RCOR1: variants seen among roughly 807,000 people sequenced by gnomAD.
RCOR1 encodes REST corepressor.
RCOR1 carries 12 observed loss-of-function variants against 64.0 expected under a neutral mutation model. That is an observed-to-expected ratio of 0.19 (90% CI 0.12 to 0.30). The LOEUF (loss-of-function observed/expected upper bound fraction) is 0.30. RCOR1 is among the 10% of genes least tolerant of loss of function. The pLI is 1.00. For missense variants in RCOR1, 502 were observed against 621.2 expected (o/e 0.81, Z 2.04); for synonymous variants, 279 against 227.2 (o/e 1.23, Z -2.05).
intron 2 of RCOR1, among the ~76,000 whole-genome samples, chr14:102,611,657 A>G (rs1893638323): frequency 6.6e-6 from 1 of 152,184 alleles, no homozygotes; most frequent in Non-Finnish European, 1.5e-5. Flanking sequence ...GTTAGGTGAG[A>G]TCAAAACCAT....
rs971598566 is a variant in RCOR1, at chr14:102,726,807, C to T, written c.*301C>T. 1.8e-5 allele frequency: 7 copies of T among 378,414 alleles called. No individual in the cohort carries two copies. The highest frequency in any genetic ancestry group is 8.6e-5 in the African/African-American group (4 of 46,664). The allele number at this position is 378,414 out of a possible 1,614,324, so 23.4% of individuals were successfully genotyped here. On this transcript the variant is annotated 3_prime_UTR_variant, in exon 12 of 12. Transcript: ENST00000262241. ...CGCCTCTCCCGCCGGAGCCCCCGAGCCCCACCAATGGCAGCTCTTCCCAGT... is the reference window on the plus strand; with the variant it reads ...CGCCTCTCCCGCCGGAGCCCCCGAGTCCCACCAATGGCAGCTCTTCCCAGT...
At chr14:102,642,365 T>G (rs565721369) in intron 2 of RCOR1, among the ~76,000 whole-genome samples, 51 of 152,320 alleles carry the variant, frequency 3.3e-4, no homozygotes, top group African/African-American at 1.2e-3. Flanking sequence ...TTGAGATTAT[T>G]TGGCAGGAGG....
chr14:102,638,337 C>G (rs184506456), intron 2 of RCOR1, among the ~76,000 whole-genome samples: 12 of 152,286 alleles, frequency 7.9e-5, no homozygotes, highest in African/African-American at 2.9e-4. Context: ...TGAAAAGATA[C>G]TAGACCGTAT....
chr14:102,642,611 G>A (rs543312345), intron 2 of RCOR1, among the ~76,000 whole-genome samples: 1 of 152,310 alleles, frequency 6.6e-6, no homozygotes, highest in South Asian at 2.1e-4. Flanking sequence ...GAGGTGGGAA[G>A]GATCGCTTGA....
rs533757945 is a variant in RCOR1 at position 102,681,230 on chromosome 14, A to G, written c.362-665A>G. Among the ~76,000 whole-genome samples the G allele has an allele frequency of 2.0e-5, 3 of 152,334 alleles. No individual in the cohort carries two copies. The South Asian group carries it at 6.2e-4, about 32-fold the overall frequency. On this transcript the variant is annotated intron_variant, in intron 2 of 11. Coordinates refer to ENST00000262241, the MANE Select transcript of RCOR1 (RefSeq NM_015156.4). Reference sequence around the variant, plus strand: ...ATTTAAAGGAAAAAAAGTGGCCAAAATTAACCTTTAGAATGAATAAGTCTG... The same window carrying G: ...ATTTAAAGGAAAAAAAGTGGCCAAAGTTAACCTTTAGAATGAATAAGTCTG...
chr14:102,653,760 G>T (rs1894643161), intron 2 of RCOR1, among the ~76,000 whole-genome samples: 1 of 151,870 alleles, frequency 6.6e-6, no homozygotes, highest in Non-Finnish European at 1.5e-5. Flanking sequence ...TGTTATATGT[G>T]CTTGCTTTCC....
intron 3 of RCOR1, among the ~76,000 whole-genome samples, chr14:102,691,753 G>A (rs1483885805): frequency 6.6e-6 from 1 of 152,150 alleles, no homozygotes; most frequent in Non-Finnish European, 1.5e-5. Flanking sequence ...AATTTACCTT[G>A]TAATCATATT....
intron 2 of RCOR1, among the ~76,000 whole-genome samples, chr14:102,614,702 G>T (rs925310375): frequency 1.3e-5 from 2 of 152,010 alleles, no homozygotes; most frequent in African/African-American, 4.8e-5. Context: ...TGAGAGGTTG[G>T]GGGTGAGGCT....
chr14:102,664,332 C>A (rs921202836), intron 2 of RCOR1, among the ~76,000 whole-genome samples: 3 of 152,040 alleles, frequency 2.0e-5, no homozygotes, highest in Non-Finnish European at 4.4e-5. Context: ...CCAGGCTGTT[C>A]TTGAAATCTT....
intron 3 of RCOR1, among the ~76,000 whole-genome samples, chr14:102,692,033 A>C (rs1895543362): frequency 6.6e-6 from 1 of 152,226 alleles, no homozygotes; most frequent in Non-Finnish European, 1.5e-5. Context: ...CATCCTCTCC[A>C]ATAATTGCTG....
chr14:102,692,957 G>A (rs939997436), intron 3 of RCOR1, among the ~76,000 whole-genome samples: 6 of 151,630 alleles, frequency 4.0e-5, no homozygotes, highest in Non-Finnish European at 8.8e-5. Flanking sequence ...GTAGAGTTGG[G>A]GTTTCACCAT....
chr14:102,631,267 ATCTCGGC>A (rs1227911401), intron 2 of RCOR1, among the ~76,000 whole-genome samples: 4 of 151,458 alleles, frequency 2.6e-5, no homozygotes, highest in Non-Finnish European at 5.9e-5. Flanking sequence ...CAGTGGCGCA[ATCTCGGC>A]TCACGGCAAG....
rs989677272 is a variant in RCOR1, at chr14:102,609,999, A to C, written c.361+16674A>C. Among the ~76,000 whole-genome samples the C allele has an allele frequency of 2.0e-4, 30 of 152,150 alleles. No homozygotes were observed. The East Asian group carries it at 5.8e-3, about 30-fold the overall frequency. Reference sequence around the variant, plus strand: ...TGTCTCTACTAAACATACAAAAATTAGCTGGGAGTAGTTCCAGCTACTCGG... The same window carrying C: ...TGTCTCTACTAAACATACAAAAATTCGCTGGGAGTAGTTCCAGCTACTCGG... On this transcript the variant is annotated intron_variant, in intron 2 of 11. Coordinates refer to ENST00000262241, the MANE Select transcript of RCOR1 (RefSeq NM_015156.4).
At chr14:102,630,334 G>T (rs567361139) in intron 2 of RCOR1, among the ~76,000 whole-genome samples, 11 of 152,292 alleles carry the variant, frequency 7.2e-5, no homozygotes, top group African/African-American at 2.6e-4. Context: ...GCTTTCACCA[G>T]ATGCCCCATC....
chr14:102,695,653 C>T (rs1363073802), intron 3 of RCOR1, among the ~76,000 whole-genome samples: 4 of 151,910 alleles, frequency 2.6e-5, no homozygotes, highest in South Asian at 4.2e-4. Context: ...TCAAGCAATT[C>T]TCCTGCTTCA....
intron 2 of RCOR1, among the ~76,000 whole-genome samples, chr14:102,671,776 A>G (rs75598034): frequency 0.023 from 3,566 of 152,326 alleles, 133 homozygotes; most frequent in African/African-American, 0.076. Context: ...TGTAACTATC[A>G]CCACAAATCA....
chr14:102,683,983 C>A (rs1199785088), intron 3 of RCOR1, among the ~76,000 whole-genome samples: 1 of 152,224 alleles, frequency 6.6e-6, no homozygotes, highest in Non-Finnish European at 1.5e-5. Context: ...TGGGAGCAGC[C>A]CTCTCCGCCC....
chr14:102,676,064 A>T (rs1895142041), intron 2 of RCOR1, among the ~76,000 whole-genome samples: 4 of 148,082 alleles, frequency 2.7e-5, no homozygotes, highest in Non-Finnish European at 4.5e-5. Flanking sequence ...AGGCAGAAGA[A>T]TTTTTCTTAG....
intron 2 of RCOR1, among the ~76,000 whole-genome samples, chr14:102,636,313 T>A (rs1057022603): frequency 5.3e-5 from 8 of 151,926 alleles, no homozygotes; most frequent in Non-Finnish European, 2.9e-5. Flanking sequence ...GTTTTGCTCT[T>A]GTCGCCCAGG....
Sources: allele counts gnomAD v4.1 joint callset (sites outside exome capture counted in the v4.1 genomes callset), GRCh38; gene constraint gnomAD v4.1.1; transcripts MANE v1.5; gene names NCBI Gene and HGNC (gene_info 2026-07-23, HGNC 2026-07-21).